The following EPG5 variants were observed in gnomAD, a reference collection of about 807,000 sequenced individuals.
EPG5 encodes ectopic P-granules 5 autophagy tethering factor.
In EPG5, 159 loss-of-function variants were observed where a neutral mutation model predicts 302.7. The observed-to-expected ratio is 0.53, with a 90% CI of 0.46 to 0.60. The LOEUF is 0.60. Ranked by LOEUF, EPG5 falls within the 20% of genes least tolerant of loss-of-function variation. EPG5 has a pLI of 0.00. For missense variants in EPG5, 2,896 were observed against 3,092.4 expected (o/e 0.94, Z 1.51); for synonymous variants, 1,158 against 1,136.8 (o/e 1.02, Z -0.37).
rs539076882 is a variant in EPG5, at chr18:45,924,128, G to A, written c.2719-741C>T. On this transcript the variant is annotated intron_variant, in intron 14 of 43. Coordinates refer to ENST00000282041, the MANE Select transcript of EPG5 (RefSeq NM_020964.3). ...ATAAATAAGACACTCAGCAACACAG[G>A]TAAAATATTCCTTCTGATGCCTGAA... 6.6e-5 allele frequency among the ~76,000 whole-genome samples: 10 copies of A among 152,196 alleles called. No homozygotes were observed. In the South Asian group the frequency reaches 2.1e-3, roughly 32 times the overall value.
rs761554022 is a variant in EPG5, at chr18:45,922,576, G to T, written c.2863C>A (p.Arg955=). 1 of 1,614,096 alleles carries T rather than the reference G, an allele frequency of 6.2e-7. No homozygotes were observed. The highest frequency in any genetic ancestry group is 1.7e-5 in the Admixed American group (1 of 60,018). ...GAGGTCTCGGGTGTCTCTCCATATC[G>T]AACAATACTGGCCAAATATGAAACC... ...KQVSYLASIV[R]YGETPETSFN... The change falls in exon 16 of 44, where the codon CGA becomes AGA. Residue 955 remains arginine, a synonymous_variant. Transcript: ENST00000282041.
At position 45,882,466 on chromosome 18, in the gene EPG5, T is replaced by G. The variant is rs2049118442; in HGVS notation, c.5326A>C (p.Ser1776Arg). ...LTKFDLKQWL[S>R]ATKPPLSDRT... ...TCAGACAGAGGAGGTTTAGTGGCGC[T>G]TAACCATTGTTTAAGATCGAACTAA... Residue 1776 changes from serine to arginine, a missense_variant, in exon 31 of 44, where the codon AGC becomes CGC. Physicochemically the swap from Ser to Arg is moderately radical, Grantham distance 110. Around this residue, in one of 5 missense-constraint regions of EPG5, gnomAD observed 790 missense variants for 798.0 expected, o/e 0.99. Coordinates refer to ENST00000282041, the MANE Select transcript of EPG5 (RefSeq NM_020964.3). 6.2e-7 allele frequency: 1 copy of G among 1,613,518 alleles called. No homozygotes were observed. The highest frequency in any genetic ancestry group is 1.3e-5 in the African/African-American group (1 of 74,974).
At position 45,912,415 on chromosome 18, in the gene EPG5, G is replaced by A. The variant is rs373398529; in HGVS notation, c.3858C>T (p.Leu1286=). ...CCCAGCGATAAATCAGCAGCCTCTG[G>A]AGGGATGGCACGATGGGGAGCTTCA... is the stretch of plus-strand genomic sequence containing the variant. ...TQLKLPIVPS[L]QRLLIYRWAH... is the part of the protein sequence containing the mutation. Residue 1286 remains leucine, a synonymous_variant, in exon 22 of 44, where the codon CTC becomes CTT. Transcript: ENST00000282041. 3 of 1,608,348 alleles carry A rather than the reference G, an allele frequency of 1.9e-6. No individual in the cohort carries two copies. Among genetic ancestry groups the A allele is most frequent in the African/African-American group, 1.3e-5 (1 of 74,538 alleles).
At chr18:45,834,784 A>G in the EPG5 span, among the ~76,000 whole-genome samples, 563 of 152,334 alleles carry the variant, frequency 3.7e-3, 4 homozygotes, top group African/African-American at 0.012. Flanking sequence ...ATAGCAAATA[A>G]TATGTGGGGA....
intron 35 of EPG5, among the ~76,000 whole-genome samples, chr18:45,871,887 G>A (rs1473781782): frequency 2.6e-5 from 4 of 150,998 alleles, no homozygotes; most frequent in African/African-American, 9.7e-5. Flanking sequence ...GGTGACTACC[G>A]TCCACAACAA....
At chr18:45,876,424 G>C in intron 34 of EPG5, 82 bp from the exon 35 acceptor site, 1 of 1,138,324 alleles carries the variant, frequency 8.8e-7, no homozygotes, top group Non-Finnish European at 1.3e-6. Flanking sequence ...GCTGGCCTAA[G>C]TCCTGGAAGC....
the EPG5 span, among the ~76,000 whole-genome samples, chr18:45,838,086 G>A: frequency 8.5e-5 from 13 of 152,348 alleles, no homozygotes; most frequent in African/African-American, 3.1e-4. Context: ...CACAAATGCA[G>A]AATCCAGGTC....
chr18:45,865,895 G>GCC, intron 38 of EPG5, 136 bp from the exon 39 acceptor site: 1 of 1,013,482 alleles, frequency 9.9e-7, no homozygotes, highest in Non-Finnish European at 1.4e-6. Flanking sequence ...GCCACATGAA[G>GCC]ACTTAGTCCC....
Position 45,922,577 on chromosome 18 carries a change from A to C in EPG5, c.2862T>G (p.Val954=), listed in dbSNP as rs1183809565. The change falls in exon 16 of 44, where the codon GTT becomes GTG. Residue 954 remains valine (V), a synonymous_variant. Coordinates refer to ENST00000282041, the MANE Select transcript of EPG5 (RefSeq NM_020964.3). Reference sequence around the variant, plus strand: ...AGGTCTCGGGTGTCTCTCCATATCGAACAATACTGGCCAAATATGAAACCT... The same window carrying C: ...AGGTCTCGGGTGTCTCTCCATATCGCACAATACTGGCCAAATATGAAACCT... ...MKQVSYLASI[V]RYGETPETSF... The C allele has an allele frequency of 1.2e-6, 2 of 1,614,122 alleles. No individual in the cohort carries two copies. The highest frequency in any genetic ancestry group is 2.7e-5 in the African/African-American group (2 of 74,948).
chr18:45,824,254 T>C, the EPG5 span, among the ~76,000 whole-genome samples: 1 of 152,236 alleles, frequency 6.6e-6, no homozygotes, highest in Non-Finnish European at 1.5e-5. Context: ...TCGCCCAGGC[T>C]GGAGGGCAGT....
At chr18:45,953,552 T>G in intron 2 of EPG5, 2 of 985,290 alleles carry the variant, frequency 2.0e-6, no homozygotes, top group Non-Finnish European at 2.4e-6. Flanking sequence ...TTGTCAAGAG[T>G]AACCTCTTCT....
In EPG5 at chr18:45,853,773, G is replaced by A. The variant is rs116586544; in HGVS notation, c.7558-1124C>T. ...TGAAGGTATCTGGGTACCAAATTAA[G>A]AGCTATGTAAACAGAGTTCAATTTA... On this transcript the variant is annotated intron_variant, in intron 43 of 43. Transcript: ENST00000282041. Among the ~76,000 whole-genome samples the A allele has an allele frequency of 5.2e-3, 798 of 152,308 alleles. 4 individuals carry two copies. Among genetic ancestry groups the A allele is most frequent in the Middle Eastern group, 0.02 (6 of 294 alleles).
At chr18:45,938,973 G>A (rs2050600017) in intron 10 of EPG5, among the ~76,000 whole-genome samples, 3 of 152,174 alleles carry the variant, frequency 2.0e-5, no homozygotes, top group Admixed American at 6.5e-5. Flanking sequence ...AGGCAGCCCC[G>A]CATCTCCTAG....
chr18:45,947,743 T>TGAAATCTA (rs2050817940), intron 6 of EPG5, among the ~76,000 whole-genome samples: 1 of 152,112 alleles, frequency 6.6e-6, no homozygotes, highest in Non-Finnish European at 1.5e-5. Context: ...TGTTCTCCAT[T>TGAAATCTA]GTCCCGTTCT....
rs143064238 is a variant in EPG5, at chr18:45,895,302, T to C, written c.4809+4102A>G. ...GTATTTGTGGAACATTCAGGTAGAATGAGGCAGGTGGAAATCTAGATTTGG... is the reference window on the plus strand; with the variant it reads ...GTATTTGTGGAACATTCAGGTAGAACGAGGCAGGTGGAAATCTAGATTTGG... On this transcript the variant is annotated intron_variant, in intron 27 of 43. Coordinates refer to ENST00000282041, the MANE Select transcript of EPG5 (RefSeq NM_020964.3). Among the ~76,000 whole-genome samples, 518 of 152,258 alleles carry C rather than the reference T, an allele frequency of 3.4e-3. 1 individual carries two copies. Among genetic ancestry groups the C allele is most frequent in the Non-Finnish European group, 6.0e-3 (411 of 68,004 alleles).
At position 45,900,976 on chromosome 18, in the gene EPG5, G is replaced by C. The variant is rs191567436; in HGVS notation, c.4646+20C>G. The stretch of plus-strand genomic sequence containing the variant: ...AGCCACCAACATGGGAACATGATCC[G>C]TGAGGCTGCATGGTCTTACCTGGCC... On this transcript the variant is annotated intron_variant, in intron 26 of 43. Coordinates refer to ENST00000282041, the MANE Select transcript of EPG5 (RefSeq NM_020964.3). 4 of 1,594,968 alleles carry C rather than the reference G, an allele frequency of 2.5e-6. No homozygotes were observed. In the African/African-American group the frequency reaches 5.4e-5, roughly 21 times the overall value.
At chr18:45,855,062 A>G (rs1056978142) in intron 43 of EPG5, among the ~76,000 whole-genome samples, 1 of 151,670 alleles carries the variant, frequency 6.6e-6, no homozygotes, top group African/African-American at 2.4e-5. Context: ...GTGGCCTTCC[A>G]TGTTTTTAGA....
At chr18:45,900,834 A>G (rs2049597159) in intron 26 of EPG5, among the ~76,000 whole-genome samples, 162 bp downstream of exon 26, 2 of 152,232 alleles carry the variant, frequency 1.3e-5, no homozygotes, top group Non-Finnish European at 2.9e-5. Context: ...AAATTATAAG[A>G]CTTGTCACAA....
chr18:45,800,907 A>G, the EPG5 span, among the ~76,000 whole-genome samples: 1 of 152,198 alleles, frequency 6.6e-6, no homozygotes, highest in Non-Finnish European at 1.5e-5. Context: ...GGAAGGAGGG[A>G]ACACTGGTTG....
Sources: gnomAD v4.1 joint callset for allele counts (sites outside exome capture counted in the v4.1 genomes callset) on GRCh38, gnomAD v4.1.1 for gene constraint, gnomAD v4.1.1 regional missense constraint, MANE v1.5 for transcripts, NCBI Gene and HGNC (gene_info 2026-07-23, HGNC 2026-07-21) for gene names.